The following QKI variants were observed in gnomAD, a reference collection of about 807,000 sequenced individuals.
The protein encoded by QKI is KH domain-containing RNA-binding protein QKI.
Under a neutral mutation model 39.0 loss-of-function variants are expected in QKI, and 10 were observed. The observed-to-expected ratio is 0.26, with a 90% confidence interval of 0.16 to 0.43. The LOEUF is 0.43. QKI is among the 20% of genes least tolerant of loss of function. The probability of loss-of-function intolerance (pLI) is 1.00; values close to 1 mark genes in which losing one functional copy is unlikely to be tolerated. For synonymous variants in QKI, 204 were observed against 155.4 expected (o/e 1.31, Z -2.33); for missense variants, 218 against 428.0 (o/e 0.51, Z 4.33).
chr6:163,420,969 C>G (rs1787951977), intron 1 of QKI, among the ~76,000 whole-genome samples: 1 of 152,144 alleles, frequency 6.6e-6, no homozygotes, highest in African/African-American at 2.4e-5. Flanking sequence ...ACCTTAGAGC[C>G]TGGCATACAC....
intron 4 of QKI, among the ~76,000 whole-genome samples, chr6:163,550,063 T>TC (rs1469089289): frequency 1.3e-5 from 2 of 152,220 alleles, no homozygotes; most frequent in African/African-American, 4.8e-5. Context: ...AGTTTCAAAC[T>TC]CACAGTGTCT....
chr6:163,523,047 A>G (rs1156607519), intron 3 of QKI, among the ~76,000 whole-genome samples: 1 of 152,180 alleles, frequency 6.6e-6, no homozygotes, highest in Middle Eastern at 3.2e-3. Flanking sequence ...TGGAAATCCT[A>G]ATATATAACA....
intron 4 of QKI, among the ~76,000 whole-genome samples, chr6:163,553,508 C>T (rs1050001761): frequency 3.3e-5 from 5 of 151,884 alleles, no homozygotes; most frequent in South Asian, 4.2e-4. Flanking sequence ...TAATAATATC[C>T]GTCTAAAATA....
At chr6:163,566,972 G>GT (rs1357939721) in intron 7 of QKI, 177 bp downstream of exon 7, 13 of 1,367,134 alleles carry the variant, frequency 9.5e-6, no homozygotes, top group East Asian at 2.8e-5. Context: ...TTTTGGTTTG[G>GT]TTTTTTCTCC....
At chr6:163,479,017 G>C (rs865957940) in intron 3 of QKI, 121 bp downstream of exon 3, 2 of 770,642 alleles carry the variant, frequency 2.6e-6, no homozygotes, top group Non-Finnish European at 4.1e-6. Context: ...CGGGCGCGGT[G>C]GCTCACGCCT....
chr6:163,551,033 T>G (rs1583206940), intron 4 of QKI, among the ~76,000 whole-genome samples: 1 of 152,072 alleles, frequency 6.6e-6, no homozygotes. Context: ...GTGAATGTTA[T>G]CTAATTCATT....
intron 1 of QKI, among the ~76,000 whole-genome samples, chr6:163,442,018 C>T (rs1789794093): frequency 1.3e-5 from 2 of 152,196 alleles, no homozygotes; most frequent in African/African-American, 4.8e-5. Flanking sequence ...TGAAATCAGA[C>T]TATCTTTGTG....
At chr6:163,513,670 A>C (rs911460638) in intron 3 of QKI, among the ~76,000 whole-genome samples, 1 of 152,146 alleles carries the variant, frequency 6.6e-6, no homozygotes, top group Non-Finnish European at 1.5e-5. Context: ...GTGACTTACT[A>C]TTCTCCTCTA....
At chr6:163,533,324 C>G (rs1232836234) in intron 3 of QKI, among the ~76,000 whole-genome samples, 4 of 152,074 alleles carry the variant, frequency 2.6e-5, no homozygotes, top group African/African-American at 9.7e-5. Context: ...TTCATTGACT[C>G]CTTGGTTTCC....
intron 4 of QKI, among the ~76,000 whole-genome samples, chr6:163,550,982 A>G (rs988896295): frequency 6.6e-6 from 1 of 150,952 alleles, no homozygotes; most frequent in Admixed American, 6.6e-5. Context: ...GTTGGAGGAC[A>G]GGGGCATCGA....
intron 4 of QKI, among the ~76,000 whole-genome samples, chr6:163,545,815 A>G (rs1163741816): frequency 1.3e-5 from 2 of 151,896 alleles, no homozygotes; most frequent in Admixed American, 6.6e-5. Context: ...TGGGCATAGA[A>G]TAATAGGGCC....
chr6:163,431,699 T>TA (rs1671759623), intron 1 of QKI, among the ~76,000 whole-genome samples: 2 of 151,976 alleles, frequency 1.3e-5, no homozygotes, highest in African/African-American at 4.8e-5. Context: ...CTCATTCAGT[T>TA]ATATCATAAA....
chr6:163,497,401 T>C (rs933458138), intron 3 of QKI, among the ~76,000 whole-genome samples: 2 of 152,068 alleles, frequency 1.3e-5, no homozygotes, highest in Non-Finnish European at 2.9e-5. Context: ...TTAATAATTG[T>C]ATAGTTTACT....
intron 3 of QKI, among the ~76,000 whole-genome samples, chr6:163,512,195 T>C (rs1779525644): frequency 6.6e-6 from 1 of 151,982 alleles, no homozygotes; most frequent in African/African-American, 2.4e-5. Flanking sequence ...TTCCTCAGTT[T>C]GATAAATTCG....
intron 4 of QKI, among the ~76,000 whole-genome samples, chr6:163,536,704 A>T (rs2321703): frequency 0.42 from 64,489 of 151,798 alleles, 16,689 homozygotes; most frequent in East Asian, 0.71. Context: ...TGAAAAATAA[A>T]TGATTGAATC....
chr6:163,510,877 TA>T (rs537908950), intron 3 of QKI, among the ~76,000 whole-genome samples: 11 of 151,032 alleles, frequency 7.3e-5, no homozygotes, highest in South Asian at 6.3e-4. Context: ...CAGCAACTAA[TA>T]AAAAAAAATT....
intron 3 of QKI, among the ~76,000 whole-genome samples, chr6:163,531,575 G>A (rs943011282): frequency 2.6e-5 from 4 of 152,200 alleles, no homozygotes; most frequent in Admixed American, 6.5e-5. Flanking sequence ...CTTAACTAGA[G>A]TCAGGTAAAT....
At chr6:163,517,849 A>G (rs781750690) in intron 3 of QKI, among the ~76,000 whole-genome samples, 6 of 152,100 alleles carry the variant, frequency 3.9e-5, no homozygotes, top group Non-Finnish European at 8.8e-5. Context: ...ATTTTCATTG[A>G]TGAGTGAGGG....
intron 1 of QKI, among the ~76,000 whole-genome samples, chr6:163,422,466 G>GC (rs1346965406): frequency 2.0e-5 from 3 of 152,178 alleles, no homozygotes; most frequent in African/African-American, 7.2e-5. Flanking sequence ...GGTGGTGTGT[G>GC]CCTGTAGTCC....
Sources: allele counts gnomAD v4.1 joint callset (sites outside exome capture counted in the v4.1 genomes callset), GRCh38; gene constraint gnomAD v4.1.1; transcripts MANE v1.5; gene names NCBI Gene and HGNC (gene_info 2026-07-23, HGNC 2026-07-21).